ARPC2: variants seen among roughly 807,000 people sequenced by gnomAD.
ARPC2 encodes actin-related protein 2/3 complex subunit 2.
In ARPC2, 4 loss-of-function variants were observed where a neutral mutation model predicts 38.6. The ratio of observed to expected loss-of-function variants is 0.10; its 90% CI spans 0.05 to 0.24. The LOEUF (loss-of-function observed/expected upper bound fraction) is 0.24. ARPC2 is among the 10% of genes least tolerant of loss of function. ARPC2 has a pLI of 1.00. For missense variants in ARPC2, 229 were observed against 387.3 expected (o/e 0.59, Z 3.43); for synonymous variants, 125 against 140.8 (o/e 0.89, Z 0.79).
At chr2:218,239,594 T>A (rs1574587973) in intron 7 of ARPC2, 110 bp downstream of exon 7, 5 of 75,600 alleles carry the variant, frequency 6.6e-5, no homozygotes, top group Admixed American at 2.0e-4. Flanking sequence ...GATGTTAGAA[T>A]TTTTTTTTTT....
chr2:218,247,954 A>T (rs972110459), intron 8 of ARPC2, among the ~76,000 whole-genome samples: 7 of 3,790 alleles, frequency 1.8e-3, no homozygotes, highest in East Asian at 0.5. Flanking sequence ...AAAAAAATTA[A>T]AAAAAAAAAA....
In ARPC2 at chr2:218,253,931, G is replaced by C. The variant is rs979589589; in HGVS notation, c.*16G>C. On this transcript the variant is annotated 3_prime_UTR_variant, in exon 11 of 11. Coordinates refer to ENST00000315717, the MANE Select transcript of ARPC2 (RefSeq NM_152862.3). Reference sequence around the variant, plus strand: ...ATCCCGCTAATCTTGGGAATAAGAGGAGGAAGCGGCTGGCAACTGAAGGCT... The same window carrying C: ...ATCCCGCTAATCTTGGGAATAAGAGCAGGAAGCGGCTGGCAACTGAAGGCT... 1.2e-6 allele frequency: 2 copies of C among 1,613,978 alleles called. No individual in the cohort carries two copies. The highest frequency in any genetic ancestry group is 2.2e-5 in the South Asian group (2 of 91,056).
chr2:218,228,578 G>A (rs1574579370), intron 3 of ARPC2, among the ~76,000 whole-genome samples, 160 bp from the exon 4 acceptor site: 1 of 152,342 alleles, frequency 6.6e-6, no homozygotes, highest in Middle Eastern at 3.4e-3. Context: ...TTCTATCCCA[G>A]TGTTTCTGCT....
intron 5 of ARPC2, 73 bp from the exon 6 acceptor site, chr2:218,238,591 T>C (rs1295730283): frequency 3.2e-5 from 1 of 31,118 alleles, no homozygotes; most frequent in Non-Finnish European, 5.3e-5. Context: ...AGTATGCTGC[T>C]TTTTTTTTTT....
At chr2:218,229,458 A>G (rs1689581166) in intron 4 of ARPC2, among the ~76,000 whole-genome samples, 1 of 152,224 alleles carries the variant, frequency 6.6e-6, no homozygotes, top group South Asian at 2.1e-4. Context: ...GAAGAAAGAA[A>G]ATGCTATTAC....
intron 7 of ARPC2, among the ~76,000 whole-genome samples, chr2:218,243,487 A>C (rs1296277990): frequency 6.6e-6 from 1 of 152,218 alleles, no homozygotes; most frequent in Non-Finnish European, 1.5e-5. Context: ...GAATCTAAAG[A>C]ATAGTCCCAG....
intron 3 of ARPC2, among the ~76,000 whole-genome samples, chr2:218,226,597 C>T (rs936343036): frequency 2.2e-5 from 3 of 139,428 alleles, no homozygotes; most frequent in Non-Finnish European, 4.5e-5. Flanking sequence ...CCACTGCACT[C>T]CAGCCTGGGC....
At chr2:218,218,629 T>G (rs1387527177) in intron 2 of ARPC2, among the ~76,000 whole-genome samples, 2 of 152,242 alleles carry the variant, frequency 1.3e-5, no homozygotes, top group Non-Finnish European at 2.9e-5. Flanking sequence ...CCGTTTCTGG[T>G]GAACTGGGAA....
intron 4 of ARPC2, 79 bp from the exon 5 acceptor site, chr2:218,234,273 G>T: frequency 8.8e-7 from 1 of 1,142,622 alleles, no homozygotes; most frequent in Non-Finnish European, 1.3e-6. Flanking sequence ...AGCTTGGCAA[G>T]TGCAGTACTT....
At position 218,228,927 on chromosome 2, in the gene ARPC2, A is replaced by T. The variant is rs1689568638; in HGVS notation, c.222+77A>T. 3.2e-6 allele frequency: 3 copies of T among 939,326 alleles called. No individual in the cohort carries two copies. The African/African-American group carries it at 4.9e-5, about 15-fold the overall frequency. 58.2% of individuals were successfully genotyped at this position (939,326 alleles called of 1,614,324 possible). On this transcript the variant is annotated intron_variant, in intron 4 of 10. Transcript: ENST00000315717. ...GCAGTTTGCCATTCATGGAAGATCCATGGCACTAAATCACCCCCACATGAC... is the reference window on the plus strand; with the variant it reads ...GCAGTTTGCCATTCATGGAAGATCCTTGGCACTAAATCACCCCCACATGAC...
intron 2 of ARPC2, among the ~76,000 whole-genome samples, chr2:218,217,775 G>A (rs1689288550): frequency 6.6e-6 from 1 of 152,206 alleles, no homozygotes; most frequent in Non-Finnish European, 1.5e-5. Context: ...AGTGGTGAGG[G>A]CTGTGCGTGC....
intron 2 of ARPC2, among the ~76,000 whole-genome samples, chr2:218,219,428 C>G (rs1040358468): frequency 6.6e-6 from 1 of 151,826 alleles, no homozygotes; most frequent in Non-Finnish European, 1.5e-5. Context: ...CTGCTCACTG[C>G]AACCTCGCCC....
intron 2 of ARPC2, among the ~76,000 whole-genome samples, chr2:218,219,513 C>G (rs1181590189): frequency 6.6e-6 from 1 of 152,086 alleles, no homozygotes; most frequent in Non-Finnish European, 1.5e-5. Flanking sequence ...CCACACCTGG[C>G]TAATATTTGT....
At chr2:218,225,535 C>G (rs1414384638) in intron 2 of ARPC2, among the ~76,000 whole-genome samples, 1 of 152,180 alleles carries the variant, frequency 6.6e-6, no homozygotes, top group Admixed American at 6.5e-5. Flanking sequence ...AGCCATTTTC[C>G]TGCTGAACGT....
At chr2:218,242,220 A>T (rs1274982084) in intron 7 of ARPC2, among the ~76,000 whole-genome samples, 1 of 152,210 alleles carries the variant, frequency 6.6e-6, no homozygotes, top group East Asian at 1.9e-4. Context: ...GTATGGGCAT[A>T]TCAGCTGAGT....
At position 218,249,852 on chromosome 2, in the gene ARPC2, C is replaced by T. The variant is rs1321551360; in HGVS notation, c.809C>T (p.Thr270Met). The T allele has an allele frequency of 1.2e-6, 2 of 1,613,930 alleles. No individual in the cohort carries two copies. Among genetic ancestry groups the T allele is most frequent in the East Asian group, 2.2e-5 (1 of 44,880 alleles). ...ATTCACACACGTATGCGGGCGAAAACGTCTGACTTCCTCAAGGTGCTGAAC... is the reference window on the plus strand; with the variant it reads ...ATTCACACACGTATGCGGGCGAAAATGTCTGACTTCCTCAAGGTGCTGAAC... ...AYIHTRMRAKTSDFLKVLNRA... is the reference protein window; with the variant it reads ...AYIHTRMRAKMSDFLKVLNRA... Residue 270 changes from threonine (T) to methionine (M), a missense_variant, in exon 10 of 11, where the codon ACG becomes ATG. Thr to Met is a moderately conservative substitution (Grantham distance 81, BLOSUM62 -1). Transcript: ENST00000315717.
chr2:218,249,560 A>G, intron 9 of ARPC2, 96 bp downstream of exon 9: 1 of 986,886 alleles, frequency 1.0e-6, no homozygotes, highest in South Asian at 1.6e-5. Flanking sequence ...TACGCTGTGG[A>G]TATTGACTCT....
intron 8 of ARPC2, among the ~76,000 whole-genome samples, 193 bp from the exon 9 acceptor site, chr2:218,249,171 C>T (rs1690119790): frequency 6.6e-6 from 1 of 152,170 alleles, no homozygotes. Flanking sequence ...TCCATTCACG[C>T]TCGTTGACAC....
At chr2:218,252,041 T>G (rs1187814140) in intron 10 of ARPC2, among the ~76,000 whole-genome samples, 6 of 152,104 alleles carry the variant, frequency 3.9e-5, no homozygotes, top group African/African-American at 1.2e-4. Flanking sequence ...CTGACCAACA[T>G]GGAGAAACCC....
Sources: allele counts gnomAD v4.1 joint callset (sites outside exome capture counted in the v4.1 genomes callset), GRCh38; gene constraint gnomAD v4.1.1; transcripts MANE v1.5; gene names NCBI Gene and HGNC (gene_info 2026-07-23, HGNC 2026-07-21).